The following NRP1 variants were observed in gnomAD, a reference collection of about 807,000 sequenced individuals.
The protein encoded by NRP1 is neuropilin 1.
A neutral mutation model predicts 106.7 loss-of-function variants in NRP1; 35 were observed. That is an observed-to-expected ratio of 0.33 (90% CI 0.25 to 0.43). The LOEUF is 0.43. Among genes scored for constraint, NRP1 ranks in the 20% least tolerant of loss-of-function variants. NRP1 has a pLI of 1.00. For missense variants in NRP1, 1,024 were observed against 1,170.4 expected, an observed-to-expected ratio of 0.87 and a Z score of 1.83; for synonymous variants, 437 against 417.9, an observed-to-expected ratio of 1.05 and a Z score of -0.56.
chr10:33,212,622 C>A (rs1188962218), intron 9 of NRP1: 1 of 152,766 alleles, frequency 6.5e-6, no homozygotes, highest in Non-Finnish European at 1.5e-5. Context: ...TTGAACTGCA[C>A]ACTAAAAAGG....
At chr10:33,257,153 T>A (rs1842253233) in intron 4 of NRP1, among the ~76,000 whole-genome samples, 1 of 152,216 alleles carries the variant, frequency 6.6e-6, no homozygotes, top group African/African-American at 2.4e-5. Context: ...TGGCAACTTA[T>A]AATCTAAATG....
rs529783173 is a variant in NRP1 at position 33,207,684 on chromosome 10, A to G, written c.1647T>C (p.Pro549=). The change falls in exon 10 of 17, where the codon CCT becomes CCC. Residue 549 remains proline (P), a synonymous_variant. Coordinates refer to ENST00000374867, the MANE Select transcript of NRP1 (RefSeq NM_003873.7). ...AGAGAGCTGGAAAAGTCCGCAGCTC[A>G]GGTGTATCATAGTTGTTGTTGCCCT... ...SFEGNNNYDT[P]ELRTFPALST... The G allele has an allele frequency of 2.2e-5, 35 of 1,614,018 alleles. 2 individuals carry two copies. The South Asian group carries it at 3.8e-4, about 18-fold the overall frequency.
intron 15 of NRP1, 33 bp from the exon 16 acceptor site, chr10:33,182,781 T>A: frequency 6.5e-7 from 1 of 1,527,252 alleles, no homozygotes; most frequent in Non-Finnish European, 9.1e-7. Flanking sequence ...AAGAGATATT[T>A]GAACTGCCAT....
At chr10:33,278,600 A>G (rs1843883425) in intron 2 of NRP1, among the ~76,000 whole-genome samples, 1 of 152,178 alleles carries the variant, frequency 6.6e-6, no homozygotes, top group African/African-American at 2.4e-5. Context: ...CTTCCTCAAA[A>G]TCCCACATAG....
intron 10 of NRP1, among the ~76,000 whole-genome samples, chr10:33,204,209 G>A (rs1323490930): frequency 2.0e-5 from 3 of 152,086 alleles, no homozygotes; most frequent in African/African-American, 7.2e-5. Context: ...GTAGGAATGT[G>A]TCAGTAACTG....
chr10:33,283,912 C>G (rs1844324885), intron 2 of NRP1, among the ~76,000 whole-genome samples: 1 of 152,168 alleles, frequency 6.6e-6, no homozygotes, highest in African/African-American at 2.4e-5. Context: ...ACATTTCAAA[C>G]TAAACAAGGG....
chr10:33,209,036 A>G (rs1289932881), intron 9 of NRP1, among the ~76,000 whole-genome samples: 6 of 150,482 alleles, frequency 4.0e-5, no homozygotes, highest in Non-Finnish European at 7.4e-5. Context: ...CCTCCTGAGT[A>G]GCTGGGATTG....
chr10:33,330,773 C>A lies in NRP1; in HGVS notation c.183G>T (p.Pro61=). Residue 61 remains proline, a synonymous_variant, in exon 2 of 17, where the codon CCG becomes CCT. Transcript: ENST00000374867. ...TGATCATAATTCTCTGGTATGGGTCCGGAGCCTGAATCAGCCATTCGCATT... is the reference window on the plus strand; with the variant it reads ...TGATCATAATTCTCTGGTATGGGTCAGGAGCCTGAATCAGCCATTCGCATT... ...SEKCEWLIQA[P]DPYQRIMINF... is the part of the protein sequence containing the mutation. 1.9e-6 allele frequency: 3 copies of A among 1,613,814 alleles called. No homozygotes were observed. The highest frequency in any genetic ancestry group is 2.5e-6 in the Non-Finnish European group (3 of 1,179,824).
intron 2 of NRP1, among the ~76,000 whole-genome samples, chr10:33,299,526 G>A (rs1385634194): frequency 6.6e-6 from 1 of 152,120 alleles, no homozygotes; most frequent in African/African-American, 2.4e-5. Context: ...CACCTGTAAT[G>A]CCAGCACTTT....
intron 2 of NRP1, among the ~76,000 whole-genome samples, chr10:33,278,224 C>A (rs1843855177): frequency 6.6e-6 from 1 of 152,046 alleles, no homozygotes; most frequent in Admixed American, 6.5e-5. Context: ...GGTAGCCTTT[C>A]CATTTCCCCA....
At chr10:33,216,245 C>T (rs1396963178) in intron 8 of NRP1, among the ~76,000 whole-genome samples, 1 of 150,798 alleles carries the variant, frequency 6.6e-6, no homozygotes, top group Non-Finnish European at 1.5e-5. Context: ...TCACGCCATT[C>T]TCCTGCCTCA....
chr10:33,185,474 A>G (rs1835940753), intron 15 of NRP1, among the ~76,000 whole-genome samples, 154 bp downstream of exon 15: 1 of 152,202 alleles, frequency 6.6e-6, no homozygotes, highest in South Asian at 2.1e-4. Flanking sequence ...GGCTGATTGT[A>G]TGCCCTGTTG....
intron 4 of NRP1, among the ~76,000 whole-genome samples, chr10:33,261,370 G>A (rs186198024): frequency 1.8e-4 from 28 of 152,260 alleles, no homozygotes; most frequent in African/African-American, 5.8e-4. Flanking sequence ...TTCTAGAAAG[G>A]AAAGCTGCAA....
intron 2 of NRP1, among the ~76,000 whole-genome samples, chr10:33,280,194 T>C (rs1197175462): frequency 6.6e-6 from 1 of 152,238 alleles, no homozygotes; most frequent in Non-Finnish European, 1.5e-5. Flanking sequence ...TTAAGATTTA[T>C]TGTCCAGGAA....
chr10:33,185,869 T>C (rs1358055251), intron 14 of NRP1, 145 bp from the exon 15 acceptor site: 2 of 726,196 alleles, frequency 2.8e-6, no homozygotes, highest in African/African-American at 1.8e-5. Context: ...CAATCCACAT[T>C]AGCTGCCTGG....
intron 3 of NRP1, 24 bp downstream of exon 3, chr10:33,270,651 T>G: frequency 8.9e-6 from 14 of 1,572,754 alleles, no homozygotes; most frequent in Non-Finnish European, 1.2e-5. Flanking sequence ...GTCATTCTTG[T>G]TCTACCGTAA....
chr10:33,234,768 G>A (rs543680021), intron 6 of NRP1, among the ~76,000 whole-genome samples: 1 of 152,188 alleles, frequency 6.6e-6, no homozygotes, highest in Non-Finnish European at 1.5e-5. Flanking sequence ...AATTAAAGGA[G>A]AGCATTTTCC....
chr10:33,278,320 C>A (rs1398958025), intron 2 of NRP1, among the ~76,000 whole-genome samples: 1 of 152,156 alleles, frequency 6.6e-6, no homozygotes, highest in Non-Finnish European at 1.5e-5. Flanking sequence ...TTGCTGTCTG[C>A]ATAGCTCCAA....
At chr10:33,203,526 A>G (rs1259820023) in intron 10 of NRP1, among the ~76,000 whole-genome samples, 9 of 152,130 alleles carry the variant, frequency 5.9e-5, no homozygotes, top group African/African-American at 1.9e-4. Flanking sequence ...AACTAAAAAA[A>G]CAGTGATTCC....
Sources: gnomAD v4.1 joint callset for allele counts (sites outside exome capture counted in the v4.1 genomes callset) on GRCh38, gnomAD v4.1.1 for gene constraint, MANE v1.5 for transcripts, NCBI Gene and HGNC (gene_info 2026-07-23, HGNC 2026-07-21) for gene names.